The following PRH1 variants were observed in gnomAD, a reference collection of about 807,000 sequenced individuals.
PRH1 encodes the protein salivary acidic proline-rich phosphoprotein 1/2.
Under a neutral mutation model 7.9 loss-of-function variants are expected in PRH1, and 7 were observed. The observed-to-expected ratio is 0.89, with a 90% CI of 0.50 to 1.67. The LOEUF (loss-of-function observed/expected upper bound fraction) is 1.67, where lower values mean the gene tolerates loss of function less well. PRH1 is among the 40% of genes most tolerant of loss of function. PRH1 has a pLI of 0.00. For missense variants in PRH1, 109 were observed against 223.6 expected, an observed-to-expected ratio of 0.49 and a Z score of 3.27; for synonymous variants, 45 against 80.8, an observed-to-expected ratio of 0.56 and a Z score of 2.38.
At chr12:11,076,291 A>AG (rs1944287366) in intron 1 of PRH1, among the ~76,000 whole-genome samples, 1 of 145,750 alleles carries the variant, frequency 6.9e-6, no homozygotes, top group East Asian at 2.0e-4. Context: ...AATAAAACAT[A>AG]TCATTAATAC....
intron 2 of PRH1, 53 bp from the exon 3 acceptor site, chr12:10,882,751 C>G: frequency 6.3e-7 from 1 of 1,598,542 alleles, no homozygotes; most frequent in Non-Finnish European, 8.5e-7. Flanking sequence ...ACCCTCCTGT[C>G]TTCATACCTC....
intron 1 of PRH1, among the ~76,000 whole-genome samples, chr12:10,988,864 T>A (rs1381563876): frequency 6.6e-6 from 1 of 152,144 alleles, no homozygotes; most frequent in African/African-American, 2.4e-5. Flanking sequence ...AGGAGTGCAG[T>A]GGCGCGATCT....
At chr12:10,933,041 A>T (rs554648553) in intron 2 of PRH1, among the ~76,000 whole-genome samples, 2 of 152,170 alleles carry the variant, frequency 1.3e-5, no homozygotes, top group Admixed American at 6.5e-5. Context: ...TTGAACTAAC[A>T]GTAATAACTT....
chr12:11,050,863 A>G (rs74644620), upstream of PRH1, among the ~76,000 whole-genome samples: 1,431 of 152,350 alleles, frequency 9.4e-3, 18 homozygotes, highest in African/African-American at 0.032. Flanking sequence ...ATTCACCGTG[A>G]GAACATCATC....
At chr12:10,948,722 T>C (rs772709712) in intron 2 of PRH1, among the ~76,000 whole-genome samples, 1 of 152,158 alleles carries the variant, frequency 6.6e-6, no homozygotes, top group Non-Finnish European at 1.5e-5. Flanking sequence ...TTGCATTTGT[T>C]CTTTCTCATC....
chr12:10,976,221 G>A (rs1210971253), intron 1 of PRH1, among the ~76,000 whole-genome samples: 1 of 152,042 alleles, frequency 6.6e-6, no homozygotes, highest in East Asian at 1.9e-4. Flanking sequence ...TACCAGTCAC[G>A]TTCTTGGACC....
chr12:11,056,831 C>CA (rs1379142981), intron 1 of PRH1, among the ~76,000 whole-genome samples: 12 of 134,078 alleles, frequency 9.0e-5, no homozygotes, highest in African/African-American at 1.3e-4. Flanking sequence ...AAAACAACAA[C>CA]AAAAAAAGCA....
chr12:11,151,932 A>G (rs1672766621), intron 1 of PRH1, among the ~76,000 whole-genome samples: 1 of 123,004 alleles, frequency 8.1e-6, no homozygotes, highest in African/African-American at 2.8e-5. Flanking sequence ...TTTCTTTGGT[A>G]TGTCATATTT....
chr12:10,999,725 T>C (rs1940491392), intron 1 of PRH1, among the ~76,000 whole-genome samples: 1 of 152,152 alleles, frequency 6.6e-6, no homozygotes, highest in South Asian at 2.1e-4. Context: ...GATGATCATT[T>C]GCTTGAATTT....
intron 1 of PRH1, among the ~76,000 whole-genome samples, chr12:11,136,172 G>C (rs1449527873): frequency 6.6e-6 from 1 of 152,108 alleles, no homozygotes; most frequent in African/African-American, 2.4e-5. Context: ...TTACCAACTA[G>C]GTATGCAACC....
intron 1 of PRH1, among the ~76,000 whole-genome samples, chr12:11,029,356 CATAG>C (rs1307229457): frequency 6.6e-6 from 1 of 152,150 alleles, no homozygotes; most frequent in Non-Finnish European, 1.5e-5. Flanking sequence ...ACACAGATTT[CATAG>C]ATACTTTTTT....
At chr12:11,143,092 T>C (rs778869897) in intron 1 of PRH1, among the ~76,000 whole-genome samples, 3 of 149,422 alleles carry the variant, frequency 2.0e-5, no homozygotes, top group African/African-American at 2.5e-5. Context: ...CTCGCTAAAG[T>C]ACAAAAATTA....
At chr12:10,966,538 T>A (rs10845253) in intron 2 of PRH1, among the ~76,000 whole-genome samples, 37,028 of 152,154 alleles carry the variant, frequency 0.24, 4,562 homozygotes, top group Non-Finnish European at 0.25. Context: ...TCCAGCCTAC[T>A]TTGTCCAAAC....
chr12:10,968,071 A>T (rs1193810094), intron 2 of PRH1, among the ~76,000 whole-genome samples: 2 of 152,080 alleles, frequency 1.3e-5, no homozygotes, highest in African/African-American at 4.8e-5. Flanking sequence ...AGAGAGCGAG[A>T]CTCCGTCTCA....
chr12:11,042,628 T>A (rs1942754867), intron 1 of PRH1, among the ~76,000 whole-genome samples: 1 of 82,710 alleles, frequency 1.2e-5, no homozygotes. Flanking sequence ...TCATTCTTTT[T>A]TTTTTTTTTT....
At chr12:10,912,921 T>C (rs1055783732) in intron 2 of PRH1, among the ~76,000 whole-genome samples, 3 of 152,210 alleles carry the variant, frequency 2.0e-5, no homozygotes, top group Non-Finnish European at 4.4e-5. Context: ...TTTGTAATCA[T>C]GTTATTTAAA....
In PRH1 at chr12:11,079,767, A is replaced by G. The variant is rs752396321; in HGVS notation, n.124-32579T>C. ...AAATCTGGGATTGGCAGGTAACATC[A>G]TGTCAAGTTTCAGAAAGGTGCAACT... is the stretch of plus-strand genomic sequence containing the variant. On this transcript the variant is annotated intron_variant and non_coding_transcript_variant, in intron 1 of 4. Coordinates refer to the PRH1 transcript ENST00000541977. Among the ~76,000 whole-genome samples, 5 of 117,352 alleles carry G rather than the reference A, an allele frequency of 4.3e-5. 1 individual carries two copies. Among genetic ancestry groups the G allele is most frequent in the Admixed American group, 8.5e-5 (1 of 11,772 alleles). 77.0% of individuals were successfully genotyped at this position (117,352 alleles called of 152,430 possible). A position where few individuals can be genotyped will look rare whatever the true frequency, so the allele number is the denominator to read the frequency against.
At chr12:10,965,253 C>T in intron 2 of PRH1, 1 of 1,473,302 alleles carries the variant, frequency 6.8e-7, no homozygotes, top group Non-Finnish European at 9.2e-7. Context: ...TTGACCCACT[C>T]AATGGAATTT....
intron 1 of PRH1, among the ~76,000 whole-genome samples, chr12:11,141,271 T>C (rs1200927869): frequency 1.3e-5 from 2 of 152,234 alleles, no homozygotes; most frequent in South Asian, 4.1e-4. Flanking sequence ...CTTAAATATT[T>C]ATTGTTTAAT....
Sources: gnomAD v4.1 joint callset for allele counts (sites outside exome capture counted in the v4.1 genomes callset) on GRCh38, gnomAD v4.1.1 for gene constraint, MANE v1.5 for transcripts, NCBI Gene and HGNC (gene_info 2026-07-23, HGNC 2026-07-21) for gene names.